ZCCHC14: variants seen among roughly 807,000 people sequenced by gnomAD.
ZCCHC14 encodes the protein zinc finger CCHC-type containing 14.
ZCCHC14 carries 16 observed loss-of-function variants against 85.0 expected under a neutral mutation model. That is an observed-to-expected ratio of 0.19 (90% CI 0.13 to 0.29). ZCCHC14 has a LOEUF of 0.29. Among genes scored for constraint, ZCCHC14 ranks in the 10% least tolerant of loss-of-function variants. ZCCHC14 has a pLI of 1.00. For missense variants in ZCCHC14, 1,303 were observed against 1,443.5 expected, an observed-to-expected ratio of 0.90 and a Z score of 1.58; for synonymous variants, 775 against 630.7, an observed-to-expected ratio of 1.23 and a Z score of -3.43.
At position 87,449,410 on chromosome 16, in the gene ZCCHC14, T is replaced by C. The variant is rs144458464; in HGVS notation, c.694+10598A>G. On this transcript the variant is annotated intron_variant, in intron 2 of 12. Coordinates refer to ENST00000671377, the MANE Select transcript of ZCCHC14 (RefSeq NM_015144.3). ...ACAGGGGGAAGGGCACCATGGTTCC[T>C]GGGCTCCTAGGCCCTCCATCCATGA... Among the ~76,000 whole-genome samples, 752 of 152,142 alleles carry C rather than the reference T, an allele frequency of 4.9e-3. 7 individuals are homozygous for C. The highest frequency in any genetic ancestry group is 8.0e-3 in the Admixed American group (122 of 15,290).
intron 2 of ZCCHC14, among the ~76,000 whole-genome samples, chr16:87,447,111 C>A (rs771814209): frequency 6.6e-6 from 1 of 152,164 alleles, no homozygotes. Flanking sequence ...TGCCAATAGA[C>A]TAGGAAAAGA....
chr16:87,411,541 C>T lies in ZCCHC14; in HGVS notation c.3180G>A (p.Gln1060=), dbSNP rs1443757323. The part of the protein sequence containing the change: ...ATGHRAQDCK[Q]PSMDFNRPGT... ...CTGGCCGGTTGAAGTCCATGGACGG[C>T]TGTTTGCAGTCCTGGGCGCGGTGAC... Residue 1060 remains glutamine (Q), a synonymous_variant, in exon 12 of 13, where the codon CAG becomes CAA. Transcript: ENST00000671377. 6.2e-7 allele frequency: 1 copy of T among 1,613,662 alleles called. No homozygotes were observed.
intron 2 of ZCCHC14, among the ~76,000 whole-genome samples, chr16:87,453,452 G>A (rs530320692): frequency 1.5e-4 from 23 of 152,356 alleles, no homozygotes; most frequent in African/African-American, 5.0e-4. Flanking sequence ...CAGTTCCCCC[G>A]TCAGTGCCCA....
At chr16:87,443,356 A>C (rs1322271241) in intron 2 of ZCCHC14, among the ~76,000 whole-genome samples, 1 of 152,182 alleles carries the variant, frequency 6.6e-6, no homozygotes, top group Non-Finnish European at 1.5e-5. Context: ...TTAAGTGGGC[A>C]GCTTTTTATC....
chr16:87,413,976 T>C (rs1000613444), intron 10 of ZCCHC14, among the ~76,000 whole-genome samples: 2 of 152,382 alleles, frequency 1.3e-5, no homozygotes, highest in Admixed American at 6.5e-5. Context: ...GATTTTCTTA[T>C]GGCAGAGACT....
In ZCCHC14 at chr16:87,406,893, T is replaced by C. The variant is rs1908226701; in HGVS notation, c.*3387A>G. On this transcript the variant is annotated 3_prime_UTR_variant, in exon 13 of 13. Transcript: ENST00000671377. ...TGCTGGAAATGGCAGCCACCCCCGCTCAGGTCGCACAGGACTCTCCTCTGG... is the reference window on the plus strand; with the variant it reads ...TGCTGGAAATGGCAGCCACCCCCGCCCAGGTCGCACAGGACTCTCCTCTGG... The C allele has an allele frequency of 6.6e-6, 1 of 152,202 alleles. No homozygotes were observed. The highest frequency in any genetic ancestry group is 2.4e-5 in the African/African-American group (1 of 41,440). The allele number at this position is 152,202 out of a possible 1,614,324, so 9.4% of individuals were successfully genotyped here.
chr16:87,450,863 A>G (rs1216667527), intron 2 of ZCCHC14, among the ~76,000 whole-genome samples: 1 of 144,134 alleles, frequency 6.9e-6, no homozygotes, highest in East Asian at 2.1e-4. Context: ...GTCTGATAAT[A>G]TTTTTAAAGT....
rs539683471 is a variant in ZCCHC14 at position 87,435,405 on chromosome 16, G to A, written c.695-2204C>T. Among the ~76,000 whole-genome samples, 3 of 152,370 alleles carry A rather than the reference G, an allele frequency of 2.0e-5. No individual in the cohort carries two copies. In the South Asian group the frequency reaches 6.2e-4, roughly 32 times the overall value. ...TGTCTAAACCAACACCCGCCCGTCCGTGAGCAGCTCTGTGGGCCTCCACAT... is the reference window on the plus strand; with the variant it reads ...TGTCTAAACCAACACCCGCCCGTCCATGAGCAGCTCTGTGGGCCTCCACAT... On this transcript the variant is annotated intron_variant, in intron 2 of 12. Transcript: ENST00000671377.
chr16:87,462,668 A>G (rs1288274891), intron 1 of ZCCHC14, among the ~76,000 whole-genome samples: 1 of 151,896 alleles, frequency 6.6e-6, no homozygotes, highest in Admixed American at 6.6e-5. Context: ...TGAACCCGGA[A>G]GGTGGAGCTT....
At chr16:87,442,091 G>C (rs1597422354) in intron 2 of ZCCHC14, among the ~76,000 whole-genome samples, 1 of 152,338 alleles carries the variant, frequency 6.6e-6, no homozygotes, top group East Asian at 1.9e-4. Flanking sequence ...TAGCAGAGAG[G>C]GAAGATTTCA....
At chr16:87,477,860 C>T (rs985208378) in intron 1 of ZCCHC14, among the ~76,000 whole-genome samples, 2 of 149,410 alleles carry the variant, frequency 1.3e-5, no homozygotes, top group Non-Finnish European at 3.0e-5. Context: ...TGCCCCTCAC[C>T]GCACACACCT....
At chr16:87,478,987 G>A (rs937703648) in intron 1 of ZCCHC14, among the ~76,000 whole-genome samples, 10 of 152,302 alleles carry the variant, frequency 6.6e-5, no homozygotes, top group Non-Finnish European at 1.5e-4. Context: ...AAACAGAGTA[G>A]GGGTGAGGGT....
intron 1 of ZCCHC14, among the ~76,000 whole-genome samples, chr16:87,462,272 G>T (rs1911299926): frequency 6.6e-6 from 1 of 152,074 alleles, no homozygotes; most frequent in Non-Finnish European, 1.5e-5. Context: ...ATTTAACAAA[G>T]TCTCTTTCAT....
intron 7 of ZCCHC14, 108 bp downstream of exon 7, chr16:87,418,739 A>ACT: frequency 8.9e-7 from 1 of 1,123,724 alleles, no homozygotes; most frequent in Non-Finnish European, 1.3e-6. Context: ...ATCATCCAAG[A>ACT]CTCAACTTGA....
At chr16:87,450,376 C>T (rs1002146449) in intron 2 of ZCCHC14, among the ~76,000 whole-genome samples, 1 of 152,190 alleles carries the variant, frequency 6.6e-6, no homozygotes, top group African/African-American at 2.4e-5. Context: ...TTCACCATCA[C>T]ACTGATTAAG....
intron 9 of ZCCHC14, 151 bp from the exon 10 acceptor site, chr16:87,414,692 C>G: frequency 8.7e-7 from 1 of 1,148,180 alleles, no homozygotes; most frequent in Non-Finnish European, 1.2e-6. Flanking sequence ...GGGAAATTCC[C>G]CCCAGAGCAT....
intron 2 of ZCCHC14, among the ~76,000 whole-genome samples, chr16:87,452,236 C>T (rs1305904675): frequency 6.6e-6 from 1 of 152,244 alleles, no homozygotes; most frequent in Admixed American, 6.5e-5. Context: ...CTTGGACTTA[C>T]AGGTTTCGCT....
intron 1 of ZCCHC14, among the ~76,000 whole-genome samples, chr16:87,488,455 G>A (rs8063698): frequency 0.32 from 49,330 of 152,034 alleles, 11,207 homozygotes; most frequent in African/African-American, 0.61. Context: ...TGTCTACTTT[G>A]TACTCCCCCC....
intron 2 of ZCCHC14, among the ~76,000 whole-genome samples, chr16:87,446,262 T>G (rs867854252): frequency 2.0e-5 from 3 of 151,700 alleles, no homozygotes; most frequent in African/African-American, 7.3e-5. Flanking sequence ...GGTGGGTGGA[T>G]CACTTGAGGT....
Sources: gnomAD v4.1 joint callset for allele counts (sites outside exome capture counted in the v4.1 genomes callset) on GRCh38, gnomAD v4.1.1 for gene constraint, MANE v1.5 for transcripts, NCBI Gene and HGNC (gene_info 2026-07-23, HGNC 2026-07-21) for gene names.